HMGCLL1: variants seen among roughly 807,000 people sequenced by gnomAD.
HMGCLL1 encodes 3-hydroxy-3-methylglutaryl-CoA lyase like 1.
Under a neutral mutation model 39.1 loss-of-function variants are expected in HMGCLL1, and 36 were observed. The observed-to-expected ratio is 0.92, with a 90% CI of 0.71 to 1.22. The LOEUF is 1.22. HMGCLL1 is among the 50% of genes most tolerant of loss of function. HMGCLL1 has a pLI of 0.00. For synonymous variants in HMGCLL1, 149 were observed against 144.0 expected (o/e 1.03, Z -0.25); for missense variants, 451 against 416.5 (o/e 1.08, Z -0.72).
At chr6:55,675,855 T>C in the HMGCLL1 span, among the ~76,000 whole-genome samples, 1 of 152,102 alleles carries the variant, frequency 6.6e-6, no homozygotes, top group Non-Finnish European at 1.5e-5. Flanking sequence ...TTCTTTGTGT[T>C]TGTGTGTGTG....
intron 1 of HMGCLL1, among the ~76,000 whole-genome samples, chr6:55,555,585 T>C (rs771049701): frequency 3.9e-5 from 6 of 152,316 alleles, no homozygotes; most frequent in Middle Eastern, 3.4e-3. Context: ...TAAACACTTA[T>C]GGAATAAATA....
intron 5 of HMGCLL1, among the ~76,000 whole-genome samples, chr6:55,502,559 C>T (rs866092613): frequency 1.3e-5 from 2 of 151,662 alleles, no homozygotes; most frequent in Admixed American, 6.6e-5. Context: ...ATCTTAATTG[C>T]AGGCTAAGCT....
At chr6:55,477,554 A>G (rs1160483783) in intron 7 of HMGCLL1, among the ~76,000 whole-genome samples, 2 of 129,444 alleles carry the variant, frequency 1.5e-5, no homozygotes, top group Non-Finnish European at 3.1e-5. Flanking sequence ...TAAATGATGG[A>G]CCAAAAAAAC....
At chr6:55,628,636 G>T in the HMGCLL1 span, among the ~76,000 whole-genome samples, 1 of 151,996 alleles carries the variant, frequency 6.6e-6, no homozygotes, top group Non-Finnish European at 1.5e-5. Flanking sequence ...GATACCAGAT[G>T]TATTGGAGCC....
chr6:55,463,758 G>T (rs1180357371), intron 7 of HMGCLL1, among the ~76,000 whole-genome samples: 4 of 152,152 alleles, frequency 2.6e-5, no homozygotes, highest in Non-Finnish European at 5.9e-5. Flanking sequence ...TTCTGTTTTT[G>T]ATTGAGCTGT....
At chr6:55,665,739 T>C in the HMGCLL1 span, among the ~76,000 whole-genome samples, 1 of 151,794 alleles carries the variant, frequency 6.6e-6, no homozygotes, top group Admixed American at 6.6e-5. Context: ...AAAATACCTT[T>C]ATGTTAACTG....
At chr6:55,638,819 A>G in the HMGCLL1 span, among the ~76,000 whole-genome samples, 73 of 152,298 alleles carry the variant, frequency 4.8e-4, no homozygotes, top group African/African-American at 1.1e-3. Flanking sequence ...GATAAATTAA[A>G]TAGTTTAGGG....
At chr6:55,541,565 C>T (rs1769433042) in intron 3 of HMGCLL1, among the ~76,000 whole-genome samples, 164 bp downstream of exon 3, 1 of 152,104 alleles carries the variant, frequency 6.6e-6, no homozygotes, top group African/African-American at 2.4e-5. Flanking sequence ...ACTTGTAGGA[C>T]TTCATCAAAG....
chr6:55,457,274 C>T (rs1764365376), intron 7 of HMGCLL1, among the ~76,000 whole-genome samples: 1 of 152,190 alleles, frequency 6.6e-6, no homozygotes, highest in South Asian at 2.1e-4. Flanking sequence ...TAGTTCTGTC[C>T]TTATGCCAAT....
chr6:55,509,805 C>A (rs12216084), intron 5 of HMGCLL1, among the ~76,000 whole-genome samples: 49,956 of 151,602 alleles, frequency 0.33, 8,604 homozygotes, highest in Non-Finnish European at 0.37. Context: ...CATTTAAGAC[C>A]AAATTAAGTT....
chr6:55,461,081 T>C (rs762835146), intron 7 of HMGCLL1, among the ~76,000 whole-genome samples: 2 of 151,966 alleles, frequency 1.3e-5, no homozygotes, highest in Admixed American at 6.6e-5. Flanking sequence ...GCCCTGAATG[T>C]AGGAAAAAAA....
the HMGCLL1 span, among the ~76,000 whole-genome samples, chr6:55,620,946 T>C: frequency 3.3e-5 from 5 of 152,294 alleles, no homozygotes; most frequent in East Asian, 9.6e-4. Context: ...TGTGTAAGTT[T>C]ATCTCTGTGT....
At chr6:55,488,233 T>C (rs1394915226) in intron 7 of HMGCLL1, among the ~76,000 whole-genome samples, 3 of 152,098 alleles carry the variant, frequency 2.0e-5, no homozygotes, top group Non-Finnish European at 2.9e-5. Context: ...TTTTATAAAA[T>C]AGTATTACTT....
At chr6:55,550,442 T>C (rs1386833307) in intron 1 of HMGCLL1, among the ~76,000 whole-genome samples, 2 of 151,904 alleles carry the variant, frequency 1.3e-5, no homozygotes, top group Non-Finnish European at 2.9e-5. Flanking sequence ...GAAGCCTCTG[T>C]TGTGAGTACA....
At chr6:55,584,045 A>C (rs1772028965), upstream of HMGCLL1, among the ~76,000 whole-genome samples, 1 of 152,044 alleles carries the variant, frequency 6.6e-6, no homozygotes, top group Non-Finnish European at 1.5e-5. Flanking sequence ...CATTTGCTTA[A>C]ATGTACTCTT....
At chr6:55,580,199 G>A (rs1406732244), upstream of HMGCLL1, among the ~76,000 whole-genome samples, 1 of 151,650 alleles carries the variant, frequency 6.6e-6, no homozygotes, top group Non-Finnish European at 1.5e-5. Context: ...TACCACTTGT[G>A]TGTTGCATGG....
intron 4 of HMGCLL1, 145 bp from the exon 5 acceptor site, chr6:55,514,341 T>C: frequency 3.5e-6 from 2 of 579,542 alleles, no homozygotes; most frequent in South Asian, 2.6e-5. Flanking sequence ...CCTCTCATCT[T>C]GCCACATATA....
At position 55,464,716 on chromosome 6, in the gene HMGCLL1, C is replaced by T. The variant is rs527586499; in HGVS notation, c.796-25157G>A. On this transcript the variant is annotated intron_variant, in intron 7 of 8. Transcript: ENST00000274901. ...GCCTTCCCCTACCCTCTCCTTCTTT[C>T]TAGCCTTTTTGGAATTACGTGTTTG... 4.6e-5 allele frequency among the ~76,000 whole-genome samples: 7 copies of T among 152,258 alleles called. No homozygotes were observed. In the South Asian group the frequency reaches 1.2e-3, roughly 27 times the overall value.
At chr6:55,651,247 G>C in the HMGCLL1 span, among the ~76,000 whole-genome samples, 1 of 152,064 alleles carries the variant, frequency 6.6e-6, no homozygotes, top group Non-Finnish European at 1.5e-5. Context: ...TAGTCAGAAC[G>C]TGATAAATCT....
Sources: gnomAD v4.1 joint callset for allele counts (sites outside exome capture counted in the v4.1 genomes callset) on GRCh38, gnomAD v4.1.1 for gene constraint, MANE v1.5 for transcripts, NCBI Gene and HGNC (gene_info 2026-07-23, HGNC 2026-07-21) for gene names.